Variants in TBC1D14 observed in about 807,000 individuals in gnomAD.
The protein encoded by TBC1D14 is TBC1 domain family, member 14.
TBC1D14 carries 26 observed loss-of-function variants against 79.0 expected under a neutral mutation model. The ratio of observed to expected loss-of-function variants is 0.33; its 90% CI spans 0.24 to 0.46. TBC1D14 has a LOEUF of 0.46. Ranked by LOEUF, TBC1D14 falls within the 20% of genes least tolerant of loss-of-function variation. The pLI is 1.00. For missense variants in TBC1D14, 769 were observed against 887.6 expected, an observed-to-expected ratio of 0.87 and a Z score of 1.70; for synonymous variants, 394 against 349.9, an observed-to-expected ratio of 1.13 and a Z score of -1.40.
At chr4:6,945,906 A>G (rs186582227) in intron 2 of TBC1D14, among the ~76,000 whole-genome samples, 2 of 152,254 alleles carry the variant, frequency 1.3e-5, no homozygotes, top group East Asian at 1.9e-4. Flanking sequence ...AAAAATTAAT[A>G]TATGCATTCT....
At chr4:6,967,843 G>A (rs542046561) in intron 3 of TBC1D14, among the ~76,000 whole-genome samples, 2 of 152,214 alleles carry the variant, frequency 1.3e-5, no homozygotes, top group Non-Finnish European at 2.9e-5. Context: ...GGCGAGGGCC[G>A]ACATTCCCCG....
At chr4:7,022,123 A>G (rs1207611494) in intron 12 of TBC1D14, among the ~76,000 whole-genome samples, 3 of 152,244 alleles carry the variant, frequency 2.0e-5, no homozygotes, top group African/African-American at 7.2e-5. Flanking sequence ...GGAGGAGAGA[A>G]TGGGAGAAGA....
chr4:6,969,801 A>G (rs144053470), intron 3 of TBC1D14, among the ~76,000 whole-genome samples: 11 of 151,722 alleles, frequency 7.3e-5, no homozygotes, highest in African/African-American at 2.7e-4. Context: ...CCAGTTCATT[A>G]TGCGGTAACA....
At chr4:7,021,931 C>T (rs1217022695) in intron 12 of TBC1D14, among the ~76,000 whole-genome samples, 1 of 152,180 alleles carries the variant, frequency 6.6e-6, no homozygotes, top group Non-Finnish European at 1.5e-5. Flanking sequence ...TGGACAGTAG[C>T]CCCCTTGTTC....
At chr4:6,909,582 C>T (rs1722792676), upstream of TBC1D14, 1 of 151,258 alleles carries the variant, frequency 6.6e-6, no homozygotes, top group Admixed American at 6.6e-5. Flanking sequence ...CTCGCCACTC[C>T]GGTTGGTTCT....
At chr4:6,929,836 A>G (rs1274215965) in intron 2 of TBC1D14, among the ~76,000 whole-genome samples, 1 of 152,178 alleles carries the variant, frequency 6.6e-6, no homozygotes, top group Non-Finnish European at 1.5e-5. Flanking sequence ...CCCTGTTCTG[A>G]GCTCAGCTTC....
At chr4:6,981,735 G>T (rs750775869) in intron 3 of TBC1D14, among the ~76,000 whole-genome samples, 1 of 152,232 alleles carries the variant, frequency 6.6e-6, no homozygotes, top group African/African-American at 2.4e-5. Flanking sequence ...AAATCGATCA[G>T]TGTCAGCTAC....
intron 3 of TBC1D14, among the ~76,000 whole-genome samples, chr4:6,978,530 T>G (rs1717040306): frequency 1.3e-5 from 2 of 149,318 alleles, no homozygotes; most frequent in Non-Finnish European, 1.5e-5. Flanking sequence ...GTTAAACAGA[T>G]GCTTGAAGGC....
intron 1 of TBC1D14, among the ~76,000 whole-genome samples, chr4:6,916,597 CTTGTA>C (rs963673330): frequency 1.3e-5 from 2 of 152,220 alleles, no homozygotes; most frequent in African/African-American, 2.4e-5. Context: ...CGCTTTCTGA[CTTGTA>C]TTGAAGTGAA....
In TBC1D14 at chr4:6,912,608, T is replaced by C. The variant is rs150992834; in HGVS notation, c.-18+2657T>C. On this transcript the variant is annotated intron_variant, in intron 1 of 13. Transcript: ENST00000409757. ...AGGAAGAAGCTGTACATTGTGGCCT[T>C]GTAGACACAGACTGGCTGTGTCTGG... Among the ~76,000 whole-genome samples the C allele has an allele frequency of 2.1e-3, 318 of 152,192 alleles. 2 individuals carry two copies. Among genetic ancestry groups the C allele is most frequent in the Middle Eastern group, 0.01 (3 of 294 alleles).
intron 3 of TBC1D14, among the ~76,000 whole-genome samples, chr4:6,983,981 TGTGTTCA>T (rs1338090264): frequency 2.6e-5 from 4 of 152,194 alleles, no homozygotes; most frequent in Non-Finnish European, 5.9e-5. Flanking sequence ...CTGTGGATCT[TGTGTTCA>T]GTCTTACTGC....
At chr4:6,959,102 G>A (rs986043281) in intron 2 of TBC1D14, among the ~76,000 whole-genome samples, 1 of 151,444 alleles carries the variant, frequency 6.6e-6, no homozygotes, top group African/African-American at 2.4e-5. Flanking sequence ...AGCCGGGATG[G>A]TCTGCATCTC....
intron 12 of TBC1D14, among the ~76,000 whole-genome samples, chr4:7,020,912 G>A (rs999760062): frequency 2.6e-5 from 4 of 152,176 alleles, no homozygotes; most frequent in African/African-American, 7.2e-5. Context: ...TGGAAAAGAC[G>A]ATTGTACCTC....
intron 1 of TBC1D14, among the ~76,000 whole-genome samples, chr4:6,923,154 A>G (rs1284642851): frequency 6.6e-6 from 1 of 152,240 alleles, no homozygotes; most frequent in Non-Finnish European, 1.5e-5. Flanking sequence ...GTAAGCCCAG[A>G]TGGCGCCACT....
intron 12 of TBC1D14, among the ~76,000 whole-genome samples, chr4:7,019,237 G>C (rs373187760): frequency 6.6e-6 from 1 of 152,262 alleles, no homozygotes; most frequent in South Asian, 2.1e-4. Context: ...AGCCATGATG[G>C]TTTCGATCTC....
chr4:7,012,364 C>T (rs1720867950), intron 11 of TBC1D14, among the ~76,000 whole-genome samples: 1 of 151,580 alleles, frequency 6.6e-6, no homozygotes, highest in East Asian at 1.9e-4. Flanking sequence ...TGTAAATTGG[C>T]ACAGTCCTTT....
At chr4:6,942,030 C>A (rs1015188918) in intron 2 of TBC1D14, among the ~76,000 whole-genome samples, 4 of 152,234 alleles carry the variant, frequency 2.6e-5, no homozygotes, top group African/African-American at 9.6e-5. Context: ...CAAAGCAGTT[C>A]TTCAGCCATC....
intron 3 of TBC1D14, among the ~76,000 whole-genome samples, chr4:6,993,425 G>A (rs534564419): frequency 3.3e-5 from 5 of 152,276 alleles, no homozygotes; most frequent in African/African-American, 1.2e-4. Flanking sequence ...CGGGTGAATC[G>A]GTGACCCAGT....
At chr4:6,916,534 A>G (rs1723415211) in intron 1 of TBC1D14, among the ~76,000 whole-genome samples, 1 of 152,212 alleles carries the variant, frequency 6.6e-6, no homozygotes, top group South Asian at 2.1e-4. Context: ...AGTTGCTTCT[A>G]GATGGAATTG....
Sources: gnomAD v4.1 joint callset for allele counts (sites outside exome capture counted in the v4.1 genomes callset) on GRCh38, gnomAD v4.1.1 for gene constraint, MANE v1.5 for transcripts, NCBI Gene and HGNC (gene_info 2026-07-23, HGNC 2026-07-21) for gene names.